AKAP6: variants seen among roughly 807,000 people sequenced by gnomAD.
AKAP6 encodes A-kinase anchor protein 6.
AKAP6 carries 58 observed loss-of-function variants against 188.5 expected under a neutral mutation model. The observed-to-expected ratio is 0.31, with a 90% CI of 0.25 to 0.38. The LOEUF (loss-of-function observed/expected upper bound fraction) is 0.38, where lower values mean the gene tolerates loss of function less well. Among genes scored for constraint, AKAP6 ranks in the 10% least tolerant of loss-of-function variants. AKAP6 has a pLI of 1.00. For synonymous variants in AKAP6, 989 were observed against 998.6 expected (o/e 0.99, Z 0.18); for missense variants, 2,710 against 2,740.0 (o/e 0.99, Z 0.24).
At chr14:32,652,884 C>T (rs1173388161) in intron 7 of AKAP6, among the ~76,000 whole-genome samples, 1 of 152,072 alleles carries the variant, frequency 6.6e-6, no homozygotes, top group Non-Finnish European at 1.5e-5. Context: ...GAGACCCCAT[C>T]TCTACAAAAA....
At chr14:32,738,314 T>G (rs1230150854) in intron 11 of AKAP6, among the ~76,000 whole-genome samples, 3 of 152,016 alleles carry the variant, frequency 2.0e-5, no homozygotes, top group African/African-American at 7.2e-5. Context: ...TTCTAAAGAC[T>G]CCAAATGGGA....
intron 11 of AKAP6, among the ~76,000 whole-genome samples, chr14:32,746,713 T>C (rs74041674): frequency 0.012 from 1,893 of 152,266 alleles, 44 homozygotes; most frequent in African/African-American, 0.044. Flanking sequence ...GGTCATAAAG[T>C]TAGTAAGTGA....
At chr14:32,531,832 A>C (rs1371276359) in intron 2 of AKAP6, among the ~76,000 whole-genome samples, 2 of 152,220 alleles carry the variant, frequency 1.3e-5, no homozygotes, top group East Asian at 3.8e-4. Flanking sequence ...CACTTTTTAA[A>C]AAACTGCTGC....
At chr14:32,786,754 A>C (rs2033436029) in intron 12 of AKAP6, among the ~76,000 whole-genome samples, 1 of 152,224 alleles carries the variant, frequency 6.6e-6, no homozygotes, top group Non-Finnish European at 1.5e-5. Flanking sequence ...TATCAGTAGC[A>C]AGTAAATTAT....
chr14:32,551,984 A>G (rs1003354233), intron 4 of AKAP6, among the ~76,000 whole-genome samples: 1 of 152,106 alleles, frequency 6.6e-6, no homozygotes, highest in Non-Finnish European at 1.5e-5. Context: ...GTAATTTTAT[A>G]TAATTTTCTA....
At chr14:32,480,701 A>T (rs1321207444) in intron 2 of AKAP6, among the ~76,000 whole-genome samples, 1 of 152,122 alleles carries the variant, frequency 6.6e-6, no homozygotes, top group East Asian at 1.9e-4. Flanking sequence ...TTTGGTATGT[A>T]AAGTGATGCA....
chr14:32,498,004 G>T (rs1880411211), intron 2 of AKAP6, among the ~76,000 whole-genome samples: 1 of 151,896 alleles, frequency 6.6e-6, no homozygotes, highest in South Asian at 2.1e-4. Context: ...TCAATCTAAG[G>T]TATTTATGTA....
chr14:32,510,442 A>ATATATG (rs1455680289), intron 2 of AKAP6, among the ~76,000 whole-genome samples: 231 of 22,210 alleles, frequency 0.01, 6 homozygotes, highest in Admixed American at 0.024. Context: ...ATATGTGTAT[A>ATATATG]TATATATACA....
chr14:32,375,191 T>C (rs529647370), intron 1 of AKAP6, among the ~76,000 whole-genome samples: 1 of 152,098 alleles, frequency 6.6e-6, no homozygotes, highest in South Asian at 2.1e-4. Flanking sequence ...AAAGGCAGGG[T>C]TGAGAGAATA....
intron 7 of AKAP6, among the ~76,000 whole-genome samples, chr14:32,676,989 G>A (rs1179511936): frequency 6.6e-6 from 1 of 151,884 alleles, no homozygotes; most frequent in East Asian, 1.9e-4. Flanking sequence ...ATGCGCCCGG[G>A]TAATTTTTGT....
At position 32,786,296 on chromosome 14, in the gene AKAP6, ATCTT is replaced by A. The variant is rs1213433846; in HGVS notation, c.3588+12405_3588+12408del. ...AGCCCTCTGAAAGACCTAAACCTTT[ATCTT>A]TTTTTTTTTTTTTTTTTTTTTTTTT... On this transcript the variant is annotated intron_variant, in intron 12 of 13. Coordinates refer to ENST00000280979, the MANE Select transcript of AKAP6 (RefSeq NM_004274.5). Among the ~76,000 whole-genome samples, 33 of 93,718 alleles carry A rather than the reference ATCTT, an allele frequency of 3.5e-4. 7 individuals carry two copies. The highest frequency in any genetic ancestry group is 7.5e-4 in the South Asian group (2 of 2,676). The allele number at this position is 93,718 out of a possible 152,430, so 61.5% of individuals were successfully genotyped here.
intron 1 of AKAP6, among the ~76,000 whole-genome samples, chr14:32,431,775 A>G (rs760223026): frequency 1.3e-5 from 2 of 152,342 alleles, no homozygotes; most frequent in East Asian, 3.9e-4. Context: ...CGGCCTCCCA[A>G]AGTGTTGGGA....
chr14:32,368,483 A>G (rs981909064), intron 1 of AKAP6, among the ~76,000 whole-genome samples: 1 of 152,106 alleles, frequency 6.6e-6, no homozygotes, highest in Non-Finnish European at 1.5e-5. Context: ...CAGTGCGAGG[A>G]CATTTCCTAA....
chr14:32,546,811 A>G lies in AKAP6; in HGVS notation c.2158A>G (p.Ile720Val), dbSNP rs547925072. 3.4e-5 allele frequency: 55 copies of G among 1,614,102 alleles called. No individual in the cohort carries two copies. The Admixed American group carries it at 4.7e-4, about 14-fold the overall frequency. The change falls in exon 4 of 14, where the codon ATT becomes GTT. Residue 720 changes from isoleucine to valine, a missense_variant. Transcript: ENST00000280979. ...ESIESGPLSD[I>V]LSDEESSMPL... ...CATTGAATCTGGGCCCCTGAGTGAC[A>G]TTCTTTCTGATGAGGAGTCCAGTAT...
intron 1 of AKAP6, chr14:32,402,186 A>T (rs1376024661): frequency 6.6e-6 from 1 of 152,238 alleles, no homozygotes; most frequent in Non-Finnish European, 1.5e-5. Flanking sequence ...AGGTATTCTT[A>T]TCATGGTAAA....
chr14:32,492,810 C>T (rs987015285), intron 2 of AKAP6, among the ~76,000 whole-genome samples: 1 of 152,098 alleles, frequency 6.6e-6, no homozygotes, highest in African/African-American at 2.4e-5. Context: ...TTTTGCCACT[C>T]CTATTAGAAA....
chr14:32,562,818 G>T (rs1376574186), intron 4 of AKAP6, among the ~76,000 whole-genome samples: 1 of 152,136 alleles, frequency 6.6e-6, no homozygotes, highest in Non-Finnish European at 1.5e-5. Flanking sequence ...ATTCTGTAGT[G>T]TAGTAATCAC....
chr14:32,743,185 A>C (rs2031753040), intron 11 of AKAP6, among the ~76,000 whole-genome samples: 1 of 151,216 alleles, frequency 6.6e-6, no homozygotes, highest in Admixed American at 6.6e-5. Context: ...ACACATAGCT[A>C]CTCCTCCTCT....
At chr14:32,572,653 G>T (rs1884544317) in intron 4 of AKAP6, among the ~76,000 whole-genome samples, 1 of 152,226 alleles carries the variant, frequency 6.6e-6, no homozygotes, top group Non-Finnish European at 1.5e-5. Flanking sequence ...TTGACTGTAA[G>T]TGTTCACTGT....
Sources: gnomAD v4.1 joint callset for allele counts (sites outside exome capture counted in the v4.1 genomes callset) on GRCh38, gnomAD v4.1.1 for gene constraint, MANE v1.5 for transcripts, NCBI Gene and HGNC (gene_info 2026-07-23, HGNC 2026-07-21) for gene names.